RBFOX1: variants seen among roughly 807,000 people sequenced by gnomAD.
RBFOX1 encodes the protein RNA binding fox-1 homolog 1.
RBFOX1 carries 8 observed loss-of-function variants against 57.7 expected under a neutral mutation model. The observed-to-expected ratio is 0.14, with a 90% CI of 0.08 to 0.25. The LOEUF (loss-of-function observed/expected upper bound fraction) is 0.25, where lower values mean the gene tolerates loss of function less well. Ranked by LOEUF, RBFOX1 falls within the 10% of genes least tolerant of loss-of-function variation. The pLI is 1.00. For missense variants in RBFOX1, 611 were observed against 548.5 expected, an observed-to-expected ratio of 1.11 and a Z score of -1.14; for synonymous variants, 326 against 222.4, an observed-to-expected ratio of 1.47 and a Z score of -4.15.
intron 4 of RBFOX1, among the ~76,000 whole-genome samples, chr16:5,999,512 T>C (rs1221130087): frequency 1.3e-5 from 2 of 152,150 alleles, no homozygotes; most frequent in Non-Finnish European, 2.9e-5. Context: ...GCTAAGGCTT[T>C]ATAAAGAGGT....
At position 7,374,305 on chromosome 16, in the gene RBFOX1, C is replaced by A. The variant is rs141339952; in HGVS notation, c.28-143842C>A. On this transcript the variant is annotated intron_variant, in intron 4 of 15. Coordinates refer to ENST00000550418, the MANE Select transcript of RBFOX1 (RefSeq NM_018723.4). Reference sequence around the variant, plus strand: ...CTGTGTAAGGGGAATAGCGGAATGTCCTTCTTAAGGTGTTTGGCACAATAC... The same window carrying A: ...CTGTGTAAGGGGAATAGCGGAATGTACTTCTTAAGGTGTTTGGCACAATAC... Among the ~76,000 whole-genome samples the A allele has an allele frequency of 1.3e-3, 199 of 152,276 alleles. 1 individual carries two copies. The highest frequency in any genetic ancestry group is 4.5e-3 in the African/African-American group (189 of 41,554).
intron 2 of RBFOX1, among the ~76,000 whole-genome samples, chr16:6,538,675 G>A (rs745438274): frequency 2.6e-5 from 4 of 152,150 alleles, no homozygotes; most frequent in African/African-American, 4.8e-5. Flanking sequence ...TGTAGAAAAC[G>A]GTTTGGGAGT....
rs60749168 is a variant in RBFOX1 at position 5,944,790 on chromosome 16, T to TAAAAA, written c.351+77470_351+77474dup. On this transcript the variant is annotated intron_variant, in intron 4 of 19. Coordinates refer to the RBFOX1 transcript ENST00000641259. Reference sequence around the variant, plus strand: ...CAACTTGGTGAAACCCTGTCTCTGCTAAAAAAAAAAAAAAAAAAATTAGCT... The same window carrying TAAAAA: ...CAACTTGGTGAAACCCTGTCTCTGCTAAAAAAAAAAAAAAAAAAAAAAAATTAGCT... Among the ~76,000 whole-genome samples, 109 of 41,252 alleles carry TAAAAA rather than the reference T, an allele frequency of 2.6e-3. 17 individuals are homozygous for TAAAAA. The highest frequency in any genetic ancestry group is 7.0e-3 in the Admixed American group (23 of 3,264). The allele number at this position is 41,252 out of a possible 152,430, so 27.1% of individuals were successfully genotyped here. A position where few individuals can be genotyped will look rare whatever the true frequency, so the allele number is the denominator to read the frequency against.
At chr16:6,357,821 G>A in intron 2 of RBFOX1, among the ~76,000 whole-genome samples, 1 of 151,854 alleles carries the variant, frequency 6.6e-6, no homozygotes, top group East Asian at 1.9e-4. Context: ...CGTGGTGGTG[G>A]GTGCCTGCAG....
intron 1 of RBFOX1, among the ~76,000 whole-genome samples, chr16:6,264,381 G>C (rs939692580): frequency 1.3e-5 from 2 of 152,118 alleles, no homozygotes; most frequent in Non-Finnish European, 2.9e-5. Flanking sequence ...CAAAGTGGCT[G>C]TTGCCCTTAA....
At chr16:5,953,095 T>C (rs2059553535) in intron 4 of RBFOX1, among the ~76,000 whole-genome samples, 1 of 151,390 alleles carries the variant, frequency 6.6e-6, no homozygotes, top group South Asian at 2.1e-4. Context: ...CCTCTGTAGA[T>C]TCTGTGTCAA....
At chr16:6,504,094 G>A (rs2096019936) in intron 2 of RBFOX1, among the ~76,000 whole-genome samples, 2 of 152,080 alleles carry the variant, frequency 1.3e-5, no homozygotes, top group Non-Finnish European at 2.9e-5. Context: ...TGTTCCTTCA[G>A]TGAAATGGCA....
At chr16:7,568,968 C>G (rs550534418) in intron 5 of RBFOX1, among the ~76,000 whole-genome samples, 40 of 152,044 alleles carry the variant, frequency 2.6e-4, no homozygotes, top group Non-Finnish European at 4.3e-4. Context: ...TTATCCAGCC[C>G]CTATTCAAGA....
At chr16:5,967,782 G>C (rs185357526) in intron 4 of RBFOX1, among the ~76,000 whole-genome samples, 2 of 152,114 alleles carry the variant, frequency 1.3e-5, no homozygotes, top group Admixed American at 1.3e-4. Flanking sequence ...ATACACACAG[G>C]CTCAGAATTA....
intron 1 of RBFOX1, among the ~76,000 whole-genome samples, chr16:5,262,622 A>G (rs1283111985): frequency 6.6e-6 from 1 of 152,138 alleles, no homozygotes; most frequent in Admixed American, 6.6e-5. Context: ...GTCTCTCTCT[A>G]GGTGTATAGC....
At chr16:7,083,831 A>T (rs1243777319) in intron 4 of RBFOX1, among the ~76,000 whole-genome samples, 1 of 152,068 alleles carries the variant, frequency 6.6e-6, no homozygotes, top group Non-Finnish European at 1.5e-5. Flanking sequence ...CACATAGTGC[A>T]TCTTGGCTTG....
intron 3 of RBFOX1, among the ~76,000 whole-genome samples, chr16:5,608,838 T>C (rs7197920): frequency 0.44 from 67,375 of 152,000 alleles, 15,993 homozygotes; most frequent in East Asian, 0.65. Context: ...ACAAAGCCTG[T>C]TGGGGTGCAG....
At chr16:7,329,784 G>T (rs541039218) in intron 4 of RBFOX1, among the ~76,000 whole-genome samples, 1 of 152,266 alleles carries the variant, frequency 6.6e-6, no homozygotes, top group Non-Finnish European at 1.5e-5. Context: ...ACAGCAAAAG[G>T]TTATTGTATC....
chr16:7,208,351 A>G (rs908427154), intron 4 of RBFOX1, among the ~76,000 whole-genome samples: 5 of 152,200 alleles, frequency 3.3e-5, no homozygotes, highest in African/African-American at 1.2e-4. Context: ...TGGGGAATTT[A>G]TAAAGAAAAG....
intron 3 of RBFOX1, among the ~76,000 whole-genome samples, chr16:7,029,254 ACACATATATATACG>A (rs1297144945): frequency 0.037 from 981 of 26,280 alleles, 256 homozygotes; most frequent in East Asian, 0.16. Flanking sequence ...ATATATATAC[ACACATATATATACG>A]TATACGTATA....
intron 4 of RBFOX1, among the ~76,000 whole-genome samples, chr16:7,383,311 T>C (rs1467983232): frequency 6.6e-6 from 1 of 151,416 alleles, no homozygotes; most frequent in African/African-American, 2.4e-5. Context: ...AGGCACGCAT[T>C]TTATAATATA....
At chr16:7,149,860 T>C (rs916571651) in intron 4 of RBFOX1, among the ~76,000 whole-genome samples, 1 of 152,180 alleles carries the variant, frequency 6.6e-6, no homozygotes, top group Non-Finnish European at 1.5e-5. Flanking sequence ...ACCTCTTCCT[T>C]AATGTAGCCC....
At chr16:6,554,476 G>A (rs1375153168) in intron 2 of RBFOX1, among the ~76,000 whole-genome samples, 2 of 152,136 alleles carry the variant, frequency 1.3e-5, no homozygotes, top group Non-Finnish European at 2.9e-5. Context: ...TGGCACCACT[G>A]TGTGAATATA....
In RBFOX1 at chr16:5,668,938, G is replaced by A. The variant is rs369391323; in HGVS notation, c.318+69977G>A. 8.7e-4 allele frequency among the ~76,000 whole-genome samples: 133 copies of A among 152,272 alleles called. 5 individuals carry two copies. The South Asian group carries it at 0.027, about 31-fold the overall frequency. On this transcript the variant is annotated intron_variant, in intron 3 of 19. Coordinates refer to the RBFOX1 transcript ENST00000641259. ...GATACTCAGGCTTTGGTTAGGGGGA[G>A]CATTGCTCCAGCAGGATGCCTATGT...
Sources: allele counts gnomAD v4.1 joint callset (sites outside exome capture counted in the v4.1 genomes callset), GRCh38; gene constraint gnomAD v4.1.1; transcripts MANE v1.5; gene names NCBI Gene and HGNC (gene_info 2026-07-23, HGNC 2026-07-21).